The following CREBL2 variants were observed in gnomAD, a reference collection of about 807,000 sequenced individuals.
CREBL2 encodes the protein cAMP responsive element binding protein like 2, also known as cAMP-responsive element-binding protein-like 2.
A neutral mutation model predicts 19.5 loss-of-function variants in CREBL2; 4 were observed. The observed-to-expected ratio is 0.20, with a 90% CI of 0.10 to 0.47. CREBL2 has a LOEUF of 0.47. Among genes scored for constraint, CREBL2 ranks in the 20% least tolerant of loss-of-function variants. CREBL2 has a pLI of 0.98. For synonymous variants in CREBL2, 42 were observed against 46.6 expected, an observed-to-expected ratio of 0.90 and a Z score of 0.40; for missense variants, 85 against 145.1, an observed-to-expected ratio of 0.59 and a Z score of 2.13.
At chr12:12,615,672 TTAG>T (rs1324007351) in intron 1 of CREBL2, 4 of 151,942 alleles carry the variant, frequency 2.6e-5, no homozygotes, top group Non-Finnish European at 5.9e-5. Context: ...TTTTGTATTT[TTAG>T]TAGAGCTGGG....
rs1555173880 is a variant in CREBL2 at position 12,619,051 on chromosome 12, A to AGAGGGAGAGGAGGGAGAGGGAGAG, written c.15+6890_15+6913dup. Reference sequence around the variant, plus strand: ...GTGGAAAGTGGGAGACGGGAGAGGGAGAGGGAGAGGAGGGAGAGGGAGAGG... The same window carrying AGAGGGAGAGGAGGGAGAGGGAGAG: ...GTGGAAAGTGGGAGACGGGAGAGGGAGAGGGAGAGGAGGGAGAGGGAGAGGAGGGAGAGGAGGGAGAGGGAGAGG... On this transcript the variant is annotated intron_variant, in intron 1 of 3. Coordinates refer to ENST00000228865, the MANE Select transcript of CREBL2 (RefSeq NM_001310.4). Among the ~76,000 whole-genome samples the AGAGGGAGAGGAGGGAGAGGGAGAG allele has an allele frequency of 7.3e-4, 111 of 151,642 alleles. 1 individual carries two copies. The highest frequency in any genetic ancestry group is 2.8e-3 in the Admixed American group (42 of 15,224).
intron 1 of CREBL2, among the ~76,000 whole-genome samples, chr12:12,619,479 C>G (rs533107772): frequency 6.6e-6 from 1 of 152,160 alleles, no homozygotes; most frequent in African/African-American, 2.4e-5. Flanking sequence ...TGGTGGTATG[C>G]AGCTATAATC....
intron 2 of CREBL2, among the ~76,000 whole-genome samples, chr12:12,637,036 A>G (rs1945480379): frequency 6.6e-6 from 1 of 152,220 alleles, no homozygotes; most frequent in Non-Finnish European, 1.5e-5. Flanking sequence ...CATGCTATCA[A>G]TTATTTCTTA....
chr12:12,628,324 GTCTA>G (rs202140060), intron 1 of CREBL2, among the ~76,000 whole-genome samples: 1,532 of 152,250 alleles, frequency 0.01, 20 homozygotes, highest in African/African-American at 0.035. Context: ...TTGGAGGAAT[GTCTA>G]TCCAAATCCT....
At chr12:12,635,434 A>G (rs117463721) in intron 1 of CREBL2, among the ~76,000 whole-genome samples, 1,937 of 151,876 alleles carry the variant, frequency 0.013, 20 homozygotes, top group Non-Finnish European at 0.021. Context: ...ATCTATCTCC[A>G]TATGGTTTGT....
intron 1 of CREBL2, among the ~76,000 whole-genome samples, chr12:12,619,610 C>CAAAGAGA (rs78167393): frequency 6.6e-6 from 1 of 151,656 alleles, no homozygotes; most frequent in African/African-American, 2.4e-5. Flanking sequence ...GACTCTGTCT[C>CAAAGAGA]AAAGGAAAAA....
At chr12:12,614,820 C>A (rs1342150179) in intron 1 of CREBL2, 26 of 358,712 alleles carry the variant, frequency 7.2e-5, no homozygotes, top group South Asian at 5.8e-4. Context: ...ATTGTAGACT[C>A]TTCCAGTTTT....
chr12:12,633,574 T>G (rs1945455490), intron 1 of CREBL2, among the ~76,000 whole-genome samples: 1 of 152,130 alleles, frequency 6.6e-6, no homozygotes, highest in Non-Finnish European at 1.5e-5. Context: ...AAGGACAGAT[T>G]TTTTTTCCCC....
intron 1 of CREBL2, among the ~76,000 whole-genome samples, chr12:12,620,773 C>G (rs1437230251): frequency 6.6e-6 from 1 of 152,178 alleles, no homozygotes; most frequent in Non-Finnish European, 1.5e-5. Flanking sequence ...ATGTACGAGG[C>G]ATTGTGCTAG....
chr12:12,627,382 T>C (rs1945409769), intron 1 of CREBL2, among the ~76,000 whole-genome samples: 1 of 152,170 alleles, frequency 6.6e-6, no homozygotes, highest in Non-Finnish European at 1.5e-5. Flanking sequence ...AAAGAAACTC[T>C]GAGGCCATTA....
intron 1 of CREBL2, among the ~76,000 whole-genome samples, chr12:12,625,583 T>C (rs1305732115): frequency 6.6e-6 from 1 of 152,216 alleles, no homozygotes; most frequent in Non-Finnish European, 1.5e-5. Context: ...TGGATGGTAA[T>C]AGGCATGCTT....
At chr12:12,640,789 A>T (rs1398334706) in intron 3 of CREBL2, among the ~76,000 whole-genome samples, 1 of 152,156 alleles carries the variant, frequency 6.6e-6, no homozygotes, top group Non-Finnish European at 1.5e-5. Context: ...CCTTTATCAG[A>T]TACATGATTT....
At chr12:12,640,056 G>T (rs1945505889) in intron 3 of CREBL2, among the ~76,000 whole-genome samples, 1 of 152,186 alleles carries the variant, frequency 6.6e-6, no homozygotes, top group African/African-American at 2.4e-5. Context: ...ACTGATAAGG[G>T]TCTATGTTCA....
At position 12,644,565 on chromosome 12, in the gene CREBL2, A is replaced by G. The variant is rs1032012100; in HGVS notation, c.*2567A>G. 1 of 152,662 alleles carries G rather than the reference A, an allele frequency of 6.6e-6. No individual in the cohort carries two copies. Among genetic ancestry groups the G allele is most frequent in the African/African-American group, 2.4e-5 (1 of 41,462 alleles). The allele number at this position is 152,662 out of a possible 1,614,324, so 9.5% of individuals were successfully genotyped here. ...CATTATTTTAGTATCAACCTGCTGT[A>G]TATTAGAGCAACTGAATATAATATG... On this transcript the variant is annotated 3_prime_UTR_variant, in exon 4 of 4. Transcript: ENST00000228865.
chr12:12,632,068 C>CTTTTTTTTTT lies in CREBL2; in HGVS notation c.16-3691_16-3682dup, dbSNP rs869253910. Among the ~76,000 whole-genome samples the CTTTTTTTTTT allele has an allele frequency of 1.8e-3, 142 of 80,628 alleles. 14 individuals are homozygous for CTTTTTTTTTT. Among genetic ancestry groups the CTTTTTTTTTT allele is most frequent in the African/African-American group, 6.6e-3 (129 of 19,410 alleles). 52.9% of individuals were successfully genotyped at this position (80,628 alleles called of 152,430 possible). ...CCTTGGATTCATATACTATGCCTTTCTTTTTTTTTTTTTTTTTTTTTTTTT... is the reference window on the plus strand; with the variant it reads ...CCTTGGATTCATATACTATGCCTTTCTTTTTTTTTTTTTTTTTTTTTTTTTTTTTTTTTTT... On this transcript the variant is annotated intron_variant, in intron 1 of 3. Coordinates refer to ENST00000228865, the MANE Select transcript of CREBL2 (RefSeq NM_001310.4).
intron 1 of CREBL2, among the ~76,000 whole-genome samples, chr12:12,620,469 A>G (rs1032561873): frequency 2.6e-5 from 4 of 152,038 alleles, no homozygotes; most frequent in South Asian, 2.1e-4. Flanking sequence ...AGCTCAAGCA[A>G]TCTGCCCGCC....
At chr12:12,624,745 G>A (rs769467083) in intron 1 of CREBL2, among the ~76,000 whole-genome samples, 1 of 152,224 alleles carries the variant, frequency 6.6e-6, no homozygotes, top group Non-Finnish European at 1.5e-5. Context: ...GCCTTTTCTT[G>A]TGAGGCAACT....
At chr12:12,615,474 C>T (rs538602454) in intron 1 of CREBL2, 4 of 152,076 alleles carry the variant, frequency 2.6e-5, no homozygotes, top group African/African-American at 7.2e-5. Flanking sequence ...GTCCCCATTC[C>T]ATTGATGTCT....
At chr12:12,641,467 C>T (rs1378079768) in intron 3 of CREBL2, among the ~76,000 whole-genome samples, 1 of 151,276 alleles carries the variant, frequency 6.6e-6, no homozygotes, top group African/African-American at 2.4e-5. Context: ...GGCACTGCAC[C>T]CGGCTAATTT....
Sources: gnomAD v4.1 joint callset for allele counts (sites outside exome capture counted in the v4.1 genomes callset) on GRCh38, gnomAD v4.1.1 for gene constraint, MANE v1.5 for transcripts, NCBI Gene and HGNC (gene_info 2026-07-23, HGNC 2026-07-21) for gene names.